The following GPC6 variants were observed in gnomAD, a reference collection of about 807,000 sequenced individuals.
The protein encoded by GPC6 is glypican-6.
Under a neutral mutation model 55.2 loss-of-function variants are expected in GPC6, and 14 were observed. The observed-to-expected ratio is 0.25, with a 90% confidence interval of 0.17 to 0.40. The LOEUF (loss-of-function observed/expected upper bound fraction) is 0.40, where lower values mean the gene tolerates loss of function less well. Among genes scored for constraint, GPC6 ranks in the 10% least tolerant of loss-of-function variants. The probability of loss-of-function intolerance (pLI) is 1.00; values close to 1 mark genes in which losing one functional copy is unlikely to be tolerated. For missense variants in GPC6, 641 were observed against 708.5 expected (o/e 0.90, Z 1.08); for synonymous variants, 278 against 259.6 (o/e 1.07, Z -0.68).
chr13:93,795,517 A>G (rs1886167807), intron 2 of GPC6, among the ~76,000 whole-genome samples: 1 of 152,220 alleles, frequency 6.6e-6, no homozygotes, highest in Non-Finnish European at 1.5e-5. Context: ...CATCTTCTAC[A>G]AGCTATACAA....
intron 1 of GPC6, among the ~76,000 whole-genome samples, chr13:93,512,086 A>G (rs1881001929): frequency 6.6e-6 from 1 of 152,192 alleles, no homozygotes; most frequent in South Asian, 2.1e-4. Context: ...ATTTTGGTGG[A>G]ATCTTCAGGC....
At chr13:94,193,062 C>CGTGTGTGT (rs66612458) in intron 4 of GPC6, among the ~76,000 whole-genome samples, 214 of 148,710 alleles carry the variant, frequency 1.4e-3, no homozygotes, top group African/African-American at 4.9e-3. Context: ...TGAGACTCCT[C>CGTGTGTGT]GTGTGTGTGT....
At chr13:93,415,336 A>G (rs934158537) in intron 1 of GPC6, among the ~76,000 whole-genome samples, 12 of 152,228 alleles carry the variant, frequency 7.9e-5, no homozygotes, top group Middle Eastern at 3.4e-3. Flanking sequence ...TTTATAAACT[A>G]AACTTTCTTC....
intron 2 of GPC6, among the ~76,000 whole-genome samples, chr13:93,699,426 G>A (rs1473333244): frequency 6.6e-6 from 1 of 152,054 alleles, no homozygotes; most frequent in Non-Finnish European, 1.5e-5. Context: ...GCATGGCTGT[G>A]AAAGAACAGG....
At chr13:93,916,828 TTTA>T (rs1257755851) in intron 3 of GPC6, among the ~76,000 whole-genome samples, 1 of 151,996 alleles carries the variant, frequency 6.6e-6, no homozygotes, top group African/African-American at 2.4e-5. Flanking sequence ...GTGGGTTTAT[TTTA>T]TTATTATTAT....
At chr13:93,723,779 A>C (rs1883534206) in intron 2 of GPC6, among the ~76,000 whole-genome samples, 1 of 151,924 alleles carries the variant, frequency 6.6e-6, no homozygotes, top group East Asian at 1.9e-4. Flanking sequence ...GGATGGTGAA[A>C]TATCCATGGA....
intron 2 of GPC6, among the ~76,000 whole-genome samples, chr13:93,728,094 T>G (rs1883704867): frequency 6.6e-6 from 1 of 152,160 alleles, no homozygotes; most frequent in Non-Finnish European, 1.5e-5. Context: ...AGAAGCTTCC[T>G]TGACCCTCTG....
At chr13:93,776,774 A>G (rs185827680) in intron 2 of GPC6, among the ~76,000 whole-genome samples, 112 of 152,280 alleles carry the variant, frequency 7.4e-4, no homozygotes, top group Middle Eastern at 3.4e-3. Context: ...GACATAAAAC[A>G]TTTCATCAGG....
chr13:93,775,537 G>C (rs1469281286), intron 2 of GPC6, among the ~76,000 whole-genome samples: 2 of 152,178 alleles, frequency 1.3e-5, no homozygotes, highest in African/African-American at 4.8e-5. Flanking sequence ...ACTAAGTGAA[G>C]CTACAAAAGA....
chr13:93,390,511 A>G (rs544960132), intron 1 of GPC6, among the ~76,000 whole-genome samples: 8 of 152,280 alleles, frequency 5.3e-5, no homozygotes, highest in African/African-American at 1.9e-4. Context: ...CATCAAATGG[A>G]TCACGTTTGC....
intron 6 of GPC6, among the ~76,000 whole-genome samples, chr13:94,335,150 G>T (rs73551859): frequency 0.042 from 6,378 of 152,204 alleles, 211 homozygotes; most frequent in African/African-American, 0.088. Context: ...CAAAACCATG[G>T]TGGTTCTGGC....
At chr13:94,033,790 C>T (rs1409490828) in intron 4 of GPC6, among the ~76,000 whole-genome samples, 1 of 152,024 alleles carries the variant, frequency 6.6e-6, no homozygotes, top group East Asian at 1.9e-4. Context: ...TTCCTTTAAA[C>T]CAAAGAAAAA....
chr13:94,034,206 AAG>A (rs1566315698), intron 4 of GPC6, among the ~76,000 whole-genome samples: 245 of 129,644 alleles, frequency 1.9e-3, no homozygotes, highest in East Asian at 0.018. Context: ...AGAAAGAAGG[AAG>A]GAAGGAAGGA....
At chr13:93,414,743 G>T (rs1009774822) in intron 1 of GPC6, among the ~76,000 whole-genome samples, 3 of 152,094 alleles carry the variant, frequency 2.0e-5, no homozygotes, top group African/African-American at 7.2e-5. Flanking sequence ...GTGATGATGG[G>T]AATGGAGAGG....
intron 4 of GPC6, among the ~76,000 whole-genome samples, chr13:94,136,045 A>G (rs1200637527): frequency 6.6e-6 from 1 of 152,232 alleles, no homozygotes; most frequent in Non-Finnish European, 1.5e-5. Flanking sequence ...GAAATGGATA[A>G]AAGGTAACCA....
intron 1 of GPC6, among the ~76,000 whole-genome samples, chr13:93,300,872 A>C (rs2139093631): frequency 6.6e-6 from 1 of 151,480 alleles, no homozygotes; most frequent in African/African-American, 2.4e-5. Context: ...ATACAAAATT[A>C]TCCAGGTGTG....
intron 2 of GPC6, among the ~76,000 whole-genome samples, chr13:93,576,226 AG>A (rs1876657756): frequency 6.6e-6 from 1 of 152,190 alleles, no homozygotes; most frequent in Non-Finnish European, 1.5e-5. Flanking sequence ...CAGACAGTAC[AG>A]AACAGTGTTA....
At chr13:93,604,249 T>C (rs1305580916) in intron 2 of GPC6, among the ~76,000 whole-genome samples, 1 of 152,238 alleles carries the variant, frequency 6.6e-6, no homozygotes, top group Non-Finnish European at 1.5e-5. Context: ...TGGCACAGTC[T>C]ACATAGGCTG....
chr13:94,337,374 C>A (rs957873122), intron 6 of GPC6, among the ~76,000 whole-genome samples: 1 of 152,094 alleles, frequency 6.6e-6, no homozygotes, highest in African/African-American at 2.4e-5. Context: ...GGGGTGAGGG[C>A]AGAGTCAGGA....
Sources: allele counts gnomAD v4.1 joint callset (sites outside exome capture counted in the v4.1 genomes callset), GRCh38; gene constraint gnomAD v4.1.1; transcripts MANE v1.5; gene names NCBI Gene and HGNC (gene_info 2026-07-23, HGNC 2026-07-21).